Variants in PITPNC1 observed in about 807,000 individuals in gnomAD.
PITPNC1 encodes the protein cytoplasmic phosphatidylinositol transfer protein 1.
Under a neutral mutation model 44.7 loss-of-function variants are expected in PITPNC1, and 18 were observed. That is an observed-to-expected ratio of 0.40 (90% CI 0.28 to 0.60). PITPNC1 has a LOEUF of 0.60. PITPNC1 is among the 20% of genes least tolerant of loss of function. The pLI is 0.39. For synonymous variants in PITPNC1, 141 were observed against 149.6 expected, an observed-to-expected ratio of 0.94 and a Z score of 0.42; for missense variants, 290 against 418.4, an observed-to-expected ratio of 0.69 and a Z score of 2.68.
intron 1 of PITPNC1, among the ~76,000 whole-genome samples, chr17:67,494,172 T>C (rs2039900000): frequency 3.1e-5 from 2 of 64,698 alleles, no homozygotes; most frequent in African/African-American, 1.2e-4. Flanking sequence ...TCTTTCTTTC[T>C]TTCTTTCTTT....
intron 1 of PITPNC1, among the ~76,000 whole-genome samples, chr17:67,391,060 C>CATGTGTGTGT (rs139823870): frequency 1.4e-5 from 2 of 146,798 alleles, no homozygotes; most frequent in African/African-American, 5.1e-5. Flanking sequence ...ACTTTTTTAG[C>CATGTGTGTGT]GTGTGTGTGT....
rs2041960474 is a variant in PITPNC1 at position 67,631,061 on chromosome 17, T to TATTATC, written c.367-1077_367-1076insCATTAT. On this transcript the variant is annotated intron_variant, in intron 5 of 8. Coordinates refer to ENST00000581322, the MANE Select transcript of PITPNC1 (RefSeq NM_012417.4). ...GCTGTGTTGTTGTTGTTGTTATTAT[T>TATTATC]ATTATTATTATTATTATTATTATTA... is the stretch of plus-strand genomic sequence containing the variant. Among the ~76,000 whole-genome samples, 4 of 134,430 alleles carry TATTATC rather than the reference T, an allele frequency of 3.0e-5. No homozygotes were observed. The South Asian group carries it at 8.9e-4, about 30-fold the overall frequency. The allele number at this position is 134,430 out of a possible 152,430, so 88.2% of individuals were successfully genotyped here. A position where few individuals can be genotyped will look rare whatever the true frequency, so the allele number is the denominator to read the frequency against.
At chr17:67,515,214 G>T (rs1345464660) in intron 1 of PITPNC1, among the ~76,000 whole-genome samples, 1 of 152,172 alleles carries the variant, frequency 6.6e-6, no homozygotes, top group African/African-American at 2.4e-5. Context: ...TGCCCAAGAG[G>T]AGAAAGGAAG....
At chr17:67,495,037 GTTGTTTT>G (rs1431435160) in intron 1 of PITPNC1, among the ~76,000 whole-genome samples, 5 of 79,376 alleles carry the variant, frequency 6.3e-5, no homozygotes, top group Non-Finnish European at 9.4e-5. Flanking sequence ...GAGCCATGGA[GTTGTTTT>G]TTTTTTTGTT....
intron 1 of PITPNC1, among the ~76,000 whole-genome samples, chr17:67,445,228 A>C (rs1207519603): frequency 1.3e-5 from 2 of 151,910 alleles, no homozygotes; most frequent in Non-Finnish European, 2.9e-5. Context: ...TCAGGGAGGG[A>C]ATGGATCAGA....
chr17:67,379,320 A>G, intron 1 of PITPNC1: 3 of 985,504 alleles, frequency 3.0e-6, no homozygotes, highest in Non-Finnish European at 3.6e-6. Flanking sequence ...TGGGAGAGAA[A>G]AAGATGCATA....
intron 1 of PITPNC1, among the ~76,000 whole-genome samples, chr17:67,411,529 T>C (rs1041673777): frequency 6.6e-6 from 1 of 152,042 alleles, no homozygotes; most frequent in African/African-American, 2.4e-5. Context: ...ATGCCACTTA[T>C]GAGGCATGAG....
chr17:67,605,732 C>T (rs1045820993), intron 5 of PITPNC1, among the ~76,000 whole-genome samples: 40 of 152,248 alleles, frequency 2.6e-4, no homozygotes, highest in African/African-American at 9.4e-4. Flanking sequence ...TCTTCCAGTG[C>T]CAGACAGAAA....
At chr17:67,424,044 A>G (rs1345024531) in intron 1 of PITPNC1, among the ~76,000 whole-genome samples, 1 of 148,268 alleles carries the variant, frequency 6.7e-6, no homozygotes, top group Non-Finnish European at 1.5e-5. Flanking sequence ...TGACCTCTCT[A>G]GAATTGTGAC....
At chr17:67,545,036 G>C (rs918510975) in intron 2 of PITPNC1, among the ~76,000 whole-genome samples, 1 of 152,192 alleles carries the variant, frequency 6.6e-6, no homozygotes, top group Admixed American at 6.5e-5. Context: ...TTGAGGCCGG[G>C]TGTGGTGGTT....
At chr17:67,397,232 C>T (rs1006565012) in intron 1 of PITPNC1, among the ~76,000 whole-genome samples, 4 of 152,160 alleles carry the variant, frequency 2.6e-5, no homozygotes, top group African/African-American at 4.8e-5. Flanking sequence ...CCACCCGCCT[C>T]GGCCTCTCAA....
chr17:67,591,227 ACT>A (rs1475585367), intron 5 of PITPNC1, among the ~76,000 whole-genome samples: 2 of 152,178 alleles, frequency 1.3e-5, no homozygotes, highest in Non-Finnish European at 2.9e-5. Flanking sequence ...GCTGGCCTGT[ACT>A]CTCCAAAATT....
intron 6 of PITPNC1, among the ~76,000 whole-genome samples, chr17:67,639,820 T>A (rs905987426): frequency 2.0e-5 from 3 of 152,160 alleles, no homozygotes; most frequent in Non-Finnish European, 4.4e-5. Context: ...AGATTAAATG[T>A]TGTTTGCTAA....
intron 1 of PITPNC1, among the ~76,000 whole-genome samples, chr17:67,530,051 G>A (rs560751812): frequency 6.6e-6 from 1 of 150,966 alleles, no homozygotes; most frequent in Admixed American, 6.6e-5. Flanking sequence ...GCTGTGGGGT[G>A]AGGGAAGGAT....
chr17:67,687,793 G>C (rs2042843079), intron 8 of PITPNC1, among the ~76,000 whole-genome samples: 1 of 152,154 alleles, frequency 6.6e-6, no homozygotes. Context: ...GTAAGCCTTA[G>C]AGAGCCTCAG....
chr17:67,496,122 A>G (rs2144057579), intron 1 of PITPNC1, among the ~76,000 whole-genome samples: 1 of 152,316 alleles, frequency 6.6e-6, no homozygotes, highest in Non-Finnish European at 1.5e-5. Context: ...TGCTTTTGGA[A>G]TACTACCAAG....
chr17:67,658,686 G>T (rs1265585353), intron 6 of PITPNC1, among the ~76,000 whole-genome samples: 2 of 152,176 alleles, frequency 1.3e-5, no homozygotes, highest in African/African-American at 4.8e-5. Context: ...TCTGGTGCCT[G>T]CCCACCTTGC....
At chr17:67,632,064 G>T in intron 5 of PITPNC1, 79 bp from the exon 6 acceptor site, 2 of 819,200 alleles carry the variant, frequency 2.4e-6, no homozygotes, top group South Asian at 1.4e-5. Flanking sequence ...TGCTCTGTGT[G>T]GGGGTTATTC....
intron 1 of PITPNC1, among the ~76,000 whole-genome samples, chr17:67,390,496 G>A (rs975534554): frequency 6.6e-6 from 1 of 152,214 alleles, no homozygotes; most frequent in Non-Finnish European, 1.5e-5. Context: ...GGGAAATCAC[G>A]TGTTAGCAGA....
Sources: gnomAD v4.1 joint callset for allele counts (sites outside exome capture counted in the v4.1 genomes callset) on GRCh38, gnomAD v4.1.1 for gene constraint, MANE v1.5 for transcripts, NCBI Gene and HGNC (gene_info 2026-07-23, HGNC 2026-07-21) for gene names.